Variants in UBE3C observed in about 807,000 individuals in gnomAD.
UBE3C encodes the protein ubiquitin protein ligase E3C, also known as ubiquitin-protein ligase E3C.
UBE3C carries 42 observed loss-of-function variants against 129.4 expected under a neutral mutation model. That is an observed-to-expected ratio of 0.32 (90% CI 0.25 to 0.42). The LOEUF is 0.42. UBE3C is among the 10% of genes least tolerant of loss of function. UBE3C has a pLI of 1.00. For missense variants in UBE3C, 1,049 were observed against 1,319.1 expected (o/e 0.80, Z 3.17); for synonymous variants, 510 against 492.4 (o/e 1.04, Z -0.47).
chr7:157,255,436 C>T (rs1034404911), intron 21 of UBE3C, among the ~76,000 whole-genome samples: 8 of 152,170 alleles, frequency 5.3e-5, no homozygotes, highest in East Asian at 1.9e-4. Flanking sequence ...GCGTATGTAT[C>T]TCTTATCTGT....
intron 22 of UBE3C, 81 bp downstream of exon 22, chr7:157,257,125 A>C (rs955336065): frequency 8.3e-6 from 13 of 1,562,180 alleles, no homozygotes; most frequent in Non-Finnish European, 1.0e-5. Flanking sequence ...GGTTAAATGA[A>C]GTCCTTTTAC....
At position 157,248,585 on chromosome 7, in the gene UBE3C, G is replaced by A. The variant is rs1356520270; in HGVS notation, c.2694+5G>A. 3.7e-6 allele frequency: 6 copies of A among 1,611,946 alleles called. No homozygotes were observed. Among genetic ancestry groups the A allele is most frequent in the Non-Finnish European group, 5.1e-6 (6 of 1,179,868 alleles). On this transcript the variant is annotated splice_donor_5th_base_variant and intron_variant, in intron 19 of 22. Coordinates refer to ENST00000348165, the MANE Select transcript of UBE3C (RefSeq NM_014671.3). ...AATGACCTGGGAGAGGCGCAGGTGA[G>A]GGGTCAGGAGGAGGATTCACATACC...
At chr7:157,240,535 C>T (rs1164488685) in intron 18 of UBE3C, among the ~76,000 whole-genome samples, 1 of 152,140 alleles carries the variant, frequency 6.6e-6, no homozygotes, top group African/African-American at 2.4e-5. Context: ...CCGTAAACGG[C>T]TGTGTGGGTC....
chr7:157,186,294 G>A (rs1808803267), intron 9 of UBE3C, among the ~76,000 whole-genome samples: 1 of 151,716 alleles, frequency 6.6e-6, no homozygotes, highest in African/African-American at 2.4e-5. Context: ...TGTGGAGGCG[G>A]GCAAGTCCCA....
intron 2 of UBE3C, among the ~76,000 whole-genome samples, chr7:157,165,397 CTTT>C (rs34554349): frequency 7.2e-5 from 9 of 124,660 alleles, no homozygotes; most frequent in African/African-American, 9.9e-5. Context: ...TTAGCATTGA[CTTT>C]TTTTTTTTTT....
intron 16 of UBE3C, among the ~76,000 whole-genome samples, chr7:157,224,596 T>C (rs1795823707): frequency 6.6e-6 from 1 of 152,234 alleles, no homozygotes; most frequent in Admixed American, 6.5e-5. Flanking sequence ...AATTTTAAAA[T>C]GTTTTGTTTT....
At chr7:157,266,748 T>C (rs914813389) in intron 22 of UBE3C, among the ~76,000 whole-genome samples, 4 of 152,172 alleles carry the variant, frequency 2.6e-5, no homozygotes, top group African/African-American at 9.7e-5. Context: ...TTTAAAAAAT[T>C]TTTATAGACA....
chr7:157,242,514 G>GTTGTTTTT (rs776094182), intron 18 of UBE3C, among the ~76,000 whole-genome samples: 2 of 112,122 alleles, frequency 1.8e-5, no homozygotes, highest in African/African-American at 7.3e-5. Flanking sequence ...AGCCTGAGTT[G>GTTGTTTTT]TTTTTTTTTT....
intron 1 of UBE3C, among the ~76,000 whole-genome samples, chr7:157,142,575 G>A (rs1244156016): frequency 3.3e-5 from 5 of 152,158 alleles, no homozygotes; most frequent in Non-Finnish European, 7.3e-5. Context: ...TTCGTGGAGC[G>A]GGGTGTGTGG....
chr7:157,173,642 C>A (rs1808439545), intron 4 of UBE3C, among the ~76,000 whole-genome samples: 1 of 152,190 alleles, frequency 6.6e-6, no homozygotes, highest in South Asian at 2.1e-4. Flanking sequence ...AATTGCCTCA[C>A]TTTTTAGTTG....
intron 18 of UBE3C, among the ~76,000 whole-genome samples, chr7:157,243,299 G>A (rs1397930608): frequency 1.3e-5 from 2 of 152,132 alleles, no homozygotes; most frequent in South Asian, 2.1e-4. Flanking sequence ...GAAAAGGTAC[G>A]AGCACTGTGA....
chr7:157,171,686 ATTTTTTTTTTTTTTTTTTTTT>A (rs77471740), intron 4 of UBE3C, among the ~76,000 whole-genome samples: 2,269 of 37,318 alleles, frequency 0.061, 52 homozygotes, highest in African/African-American at 0.14. Context: ...ATATATATAT[ATTTTTTTTTTTTTTTTTTTTT>A]TTTTTTTTTT....
intron 1 of UBE3C, among the ~76,000 whole-genome samples, chr7:157,150,428 C>G (rs566567593): frequency 1.3e-5 from 2 of 150,788 alleles, no homozygotes; most frequent in Non-Finnish European, 3.0e-5. Context: ...TCCAGCAGAA[C>G]AAATTTCTAC....
intron 5 of UBE3C, among the ~76,000 whole-genome samples, chr7:157,177,749 A>G (rs757129965): frequency 6.6e-6 from 1 of 152,176 alleles, no homozygotes; most frequent in Admixed American, 6.5e-5. Context: ...CTGTTGAGAC[A>G]GAAGGCAGCC....
rs761987137 is a variant in UBE3C, at chr7:157,267,765, TG to T, written c.*14del. The T allele has an allele frequency of 6.3e-6, 10 of 1,594,402 alleles. No homozygotes were observed. In the South Asian group the frequency reaches 9.1e-5, roughly 15 times the overall value. ...CTTTGAGCTGAGCTGAAGCTGATGC[TG>T]GGGTCAGACCCCTACAGAGAACCAG... On this transcript the variant is annotated 3_prime_UTR_variant, in exon 23 of 23. Coordinates refer to ENST00000348165, the MANE Select transcript of UBE3C (RefSeq NM_014671.3).
Position 157,257,017 on chromosome 7 carries a change from C to T in UBE3C, c.3054C>T (p.Cys1018=). The T allele has an allele frequency of 1.2e-6, 2 of 1,614,228 alleles. No individual in the cohort carries two copies. Among genetic ancestry groups the T allele is most frequent in the Non-Finnish European group, 8.5e-7 (1 of 1,180,042 alleles). The change falls in exon 22 of 23, where the codon TGC becomes TGT. Residue 1018 remains cysteine (C), a synonymous_variant. Coordinates refer to ENST00000348165, the MANE Select transcript of UBE3C (RefSeq NM_014671.3). Reference sequence around the variant, plus strand: ...AACTGCTGAAGTTTGTAACAAGCTGCTCTCGACCCCCTCTCTTGGGGTTTA... The same window carrying T: ...AACTGCTGAAGTTTGTAACAAGCTGTTCTCGACCCCCTCTCTTGGGGTTTA... ...KRKLLKFVTS[C]SRPPLLGFKE... is the part of the protein sequence containing the mutation.
intron 1 of UBE3C, among the ~76,000 whole-genome samples, chr7:157,141,670 A>T (rs1807455364): frequency 6.6e-6 from 1 of 152,206 alleles, no homozygotes; most frequent in Admixed American, 6.5e-5. Context: ...AGAGGTCATT[A>T]TGCCATGTAT....
chr7:157,151,210 AGTCGTAAACGCTGGCGCT>A (rs1353550978), intron 1 of UBE3C, among the ~76,000 whole-genome samples: 1 of 152,236 alleles, frequency 6.6e-6, no homozygotes, highest in Non-Finnish European at 1.5e-5. Context: ...GGTTTAGCTT[AGTCGTAAACGCTGGCGCT>A]GCAAAACAAA....
chr7:157,185,146 G>A (rs1438582858), intron 9 of UBE3C, among the ~76,000 whole-genome samples: 3 of 152,256 alleles, frequency 2.0e-5, no homozygotes, highest in Non-Finnish European at 2.9e-5. Flanking sequence ...TATATGCAGT[G>A]TATTTTGTAT....
Sources: gnomAD v4.1 joint callset for allele counts (sites outside exome capture counted in the v4.1 genomes callset) on GRCh38, gnomAD v4.1.1 for gene constraint, MANE v1.5 for transcripts, NCBI Gene and HGNC (gene_info 2026-07-23, HGNC 2026-07-21) for gene names.